Variants in UTY observed in about 807,000 individuals in gnomAD.
UTY encodes the protein histone demethylase UTY.
A neutral mutation model predicts 32.5 loss-of-function variants in UTY; 12 were observed. That is an observed-to-expected ratio of 0.37 (90% CI 0.24 to 0.60). The LOEUF (loss-of-function observed/expected upper bound fraction) is 0.60, where lower values mean the gene tolerates loss of function less well. UTY is among the 20% of genes least tolerant of loss of function. UTY has a pLI of 0.69. For synonymous variants in UTY, 131 were observed against 103.4 expected, an observed-to-expected ratio of 1.27 and a Z score of -1.62; for missense variants, 303 against 299.2, an observed-to-expected ratio of 1.01 and a Z score of -0.09.
chrY:13,257,773 C>G (rs897518425), intron 28 of UTY, among the ~76,000 whole-genome samples: 2 of 32,428 alleles, frequency 6.2e-5, no homozygotes, highest in Non-Finnish European at 1.5e-4. Context: ...CTGAGGATCC[C>G]CCGGTTACAG....
intron 5 of UTY, among the ~76,000 whole-genome samples, chrY:13,413,420 A>G (rs2071218962): frequency 5.9e-5 from 2 of 34,013 alleles, no homozygotes; most frequent in Non-Finnish European, 1.5e-4. Context: ...GGCTTAAGCC[A>G]GGTAATGGGA....
At chrY:13,377,636 G>A (rs2065538043) in intron 8 of UTY, among the ~76,000 whole-genome samples, 2 of 33,173 alleles carry the variant, frequency 6.0e-5, no homozygotes, top group South Asian at 6.6e-4. Flanking sequence ...TGCTAGAACC[G>A]GGGACGTGGA....
chrY:13,315,437 C>T (rs758231950), intron 21 of UTY, among the ~76,000 whole-genome samples: 1 of 33,560 alleles, frequency 3.0e-5, no homozygotes, highest in East Asian at 7.9e-4. Flanking sequence ...GGAGAAACCC[C>T]GTCTTTACTA....
intron 27 of UTY, among the ~76,000 whole-genome samples, chrY:13,283,266 C>T: frequency 3.0e-5 from 1 of 33,854 alleles, no homozygotes; most frequent in Non-Finnish European, 7.3e-5. Flanking sequence ...TTGCATGATA[C>T]TTTGGTTTTG....
chrY:13,266,956 T>G (rs773146361), intron 27 of UTY, among the ~76,000 whole-genome samples: 53 of 32,921 alleles, frequency 1.6e-3, no homozygotes, highest in Admixed American at 1.7e-3. Context: ...AAGTGCAATG[T>G]GGTGCTGAGA....
chrY:13,270,143 G>A, intron 27 of UTY, among the ~76,000 whole-genome samples: 1 of 33,889 alleles, frequency 3.0e-5, no homozygotes, highest in African/African-American at 1.2e-4. Flanking sequence ...GGCAAAATAA[G>A]TAATCAAGGA....
chrY:13,460,839 CAG>C (rs2077289248), intron 3 of UTY, among the ~76,000 whole-genome samples: 2 of 32,967 alleles, frequency 6.1e-5, no homozygotes, highest in Non-Finnish European at 1.5e-4. Context: ...TTGAAAATTG[CAG>C]AGAGTAAATT....
At position 13,433,325 on chromosome Y, in the gene UTY, AC is replaced by A. The variant is rs2074209228; in HGVS notation, c.375+15691del. On this transcript the variant is annotated intron_variant, in intron 4 of 29. Transcript: ENST00000545955. ...ATATTAAATACATTCAAAAGTTCCA[AC>A]ACTAGACTAAACCAGGCAGAAAAAA... 8.9e-5 allele frequency among the ~76,000 whole-genome samples: 3 copies of A among 33,690 alleles called. No homozygotes were observed. The South Asian group carries it at 1.9e-3, about 22-fold the overall frequency. The allele number at this position is 33,690 out of a possible 37,273, so 90.4% of individuals were successfully genotyped here.
At chrY:13,310,024 G>T in intron 21 of UTY, among the ~76,000 whole-genome samples, 1 of 31,237 alleles carries the variant, frequency 3.2e-5, no homozygotes, top group Non-Finnish European at 7.7e-5. Flanking sequence ...AGACCATCCT[G>T]GCTAACACAG....
intron 10 of UTY, among the ~76,000 whole-genome samples, chrY:13,363,210 G>GT: frequency 3.1e-5 from 1 of 32,271 alleles, no homozygotes; most frequent in African/African-American, 1.2e-4. Context: ...CCTTCATTTT[G>GT]TTTTTTTGAG....
chrY:13,291,504 A>C (rs2057757499), intron 27 of UTY, among the ~76,000 whole-genome samples: 1 of 33,051 alleles, frequency 3.0e-5, no homozygotes, highest in African/African-American at 1.2e-4. Flanking sequence ...GTGGGAGCTG[A>C]ACAATGTGAA....
At chrY:13,253,686 G>T in intron 28 of UTY, among the ~76,000 whole-genome samples, 1 of 34,011 alleles carries the variant, frequency 2.9e-5, no homozygotes, top group South Asian at 6.6e-4. Context: ...TGTTTTTAAA[G>T]AATGTTGCTG....
chrY:13,470,119 A>T lies in UTY; in HGVS notation c.325+2T>A. 1 of 376,569 alleles carries T rather than the reference A, an allele frequency of 2.7e-6. No individual in the cohort carries two copies. Among genetic ancestry groups the T allele is most frequent in the Non-Finnish European group, 3.7e-6 (1 of 269,989 alleles). 93.9% of individuals were successfully genotyped at this position (376,569 alleles called of 400,897 possible). On this transcript the variant is annotated splice_donor_variant, in intron 3 of 29. Coordinates refer to ENST00000545955, the MANE Select transcript of UTY (RefSeq NM_001258249.2). LOFTEE classifies it high-confidence loss of function. ...AGAAATTTAGAAAGAGAATAACAAT[A>T]CCTTTTGAATAATCTTCCAACAAGA...
intron 6 of UTY, among the ~76,000 whole-genome samples, chrY:13,407,594 G>C: frequency 3.1e-5 from 1 of 32,346 alleles, no homozygotes; most frequent in Non-Finnish European, 7.7e-5. Context: ...CTAGATGTGG[G>C]TATAATTATT....
chrY:13,475,644 A>G (rs2078973062), intron 2 of UTY, among the ~76,000 whole-genome samples: 3 of 34,198 alleles, frequency 8.8e-5, no homozygotes, highest in South Asian at 6.4e-4. Context: ...CACAGACAAA[A>G]CAGGCAAAAC....
chrY:13,323,574 G>A lies in UTY; in HGVS notation c.3257C>T (p.Ser1086Phe). The A allele has an allele frequency of 2.5e-6, 1 of 396,737 alleles. No individual in the cohort carries two copies. The change falls in exon 21 of 30, where the codon TCC becomes TTC. Residue 1086 changes from serine to phenylalanine, a missense_variant. By Grantham distance (155) the Ser-to-Phe change is radical. Coordinates refer to ENST00000545955, the MANE Select transcript of UTY (RefSeq NM_001258249.2). Reference sequence around the variant, plus strand: ...ACTTACTCTCAATGATTCCTGGAAGGAGGAAGCCTGGTATTGTGCGTATTT... The same window carrying A: ...ACTTACTCTCAATGATTCCTGGAAGAAGGAAGCCTGGTATTGTGCGTATTT... ...IAKYAQYQAS[S>F]FQESLREENE...
chrY:13,393,910 G>A lies in UTY; in HGVS notation c.611-17C>T. On this transcript the variant is annotated splice_polypyrimidine_tract_variant and intron_variant, in intron 7 of 29. Transcript: ENST00000545955. Reference sequence around the variant, plus strand: ...GAAATTGAACTGCAATGGATCATGGGAAAAGATCAGTTACAATACAGTCTA... The same window carrying A: ...GAAATTGAACTGCAATGGATCATGGAAAAAGATCAGTTACAATACAGTCTA... 8.1e-6 allele frequency: 3 copies of A among 371,274 alleles called. No homozygotes were observed. Among genetic ancestry groups the A allele is most frequent in the Non-Finnish European group, 1.1e-5 (3 of 267,068 alleles). The allele number at this position is 371,274 out of a possible 400,897, so 92.6% of individuals were successfully genotyped here.
intron 4 of UTY, among the ~76,000 whole-genome samples, chrY:13,435,965 G>A: frequency 3.0e-5 from 1 of 32,956 alleles, no homozygotes; most frequent in Non-Finnish European, 7.5e-5. Context: ...TACCAGGCGG[G>A]TGGGGCACTG....
intron 2 of UTY, among the ~76,000 whole-genome samples, chrY:13,473,870 A>T (rs773767540): frequency 6.3e-3 from 216 of 34,049 alleles, no homozygotes; most frequent in Admixed American, 0.016. Context: ...AAAAAATTCT[A>T]AAAAATACAT....
Sources: gnomAD v4.1 joint callset for allele counts (sites outside exome capture counted in the v4.1 genomes callset) on GRCh38, gnomAD v4.1.1 for gene constraint, MANE v1.5 for transcripts, NCBI Gene and HGNC (gene_info 2026-07-23, HGNC 2026-07-21) for gene names.